Variants in MSRB2 observed in about 807,000 individuals in gnomAD.
MSRB2 encodes the protein methionine sulfoxide reductase B2.
MSRB2 carries 17 observed loss-of-function variants against 19.0 expected under a neutral mutation model. The ratio of observed to expected loss-of-function variants is 0.89; its 90% CI spans 0.61 to 1.34. The LOEUF is 1.34. Ranked by LOEUF, MSRB2 falls within the 40% of genes most tolerant of loss-of-function variation. The pLI is 0.00. For missense variants in MSRB2, 208 were observed against 237.6 expected, an observed-to-expected ratio of 0.88 and a Z score of 0.82; for synonymous variants, 107 against 99.7, an observed-to-expected ratio of 1.07 and a Z score of -0.44.
At chr10:23,104,375 C>T in intron 2 of MSRB2, 131 bp downstream of exon 2, 1 of 628,368 alleles carries the variant, frequency 1.6e-6, no homozygotes, top group Non-Finnish European at 2.7e-6. Context: ...TCCATTGTGC[C>T]CTTCTCGGGG....
chr10:23,111,508 T>C (rs1041290607), intron 3 of MSRB2, among the ~76,000 whole-genome samples: 1 of 152,214 alleles, frequency 6.6e-6, no homozygotes, highest in Admixed American at 6.5e-5. Flanking sequence ...AAGAGCATTC[T>C]CTTAAATCAC....
At chr10:23,113,308 C>T (rs1316096254) in intron 3 of MSRB2, among the ~76,000 whole-genome samples, 2 of 152,310 alleles carry the variant, frequency 1.3e-5, no homozygotes, top group Non-Finnish European at 2.9e-5. Context: ...ATCTGCTCAG[C>T]CCCACTAATA....
rs1052992421 is a variant in MSRB2, at chr10:23,121,771, C to T, written c.*909C>T. On this transcript the variant is annotated 3_prime_UTR_variant, in exon 5 of 5. Coordinates refer to ENST00000376510, the MANE Select transcript of MSRB2 (RefSeq NM_012228.4). Reference sequence around the variant, plus strand: ...ATCCAAGGAATCAACAATGCTAGCACTGAAGAGCAGGATTACGGAGGAGCT... The same window carrying T: ...ATCCAAGGAATCAACAATGCTAGCATTGAAGAGCAGGATTACGGAGGAGCT... 2.0e-5 allele frequency: 3 copies of T among 152,294 alleles called. No individual in the cohort carries two copies. In the East Asian group the frequency reaches 5.8e-4, roughly 29 times the overall value. The allele number at this position is 152,294 out of a possible 1,614,324, so 9.4% of individuals were successfully genotyped here.
At chr10:23,102,740 T>C (rs1165091831) in intron 1 of MSRB2, among the ~76,000 whole-genome samples, 1 of 152,160 alleles carries the variant, frequency 6.6e-6, no homozygotes, top group Non-Finnish European at 1.5e-5. Context: ...CACCCAGGGG[T>C]TTTAGAATCC....
In MSRB2 at chr10:23,104,258, G is replaced by A. The variant is rs1380185581; in HGVS notation, c.219+14G>A. ...GGAACGGAACCGGTAAGCTAAGCTG[G>A]TTTACAGTTTTCTGATTGCATGTGT... On this transcript the variant is annotated intron_variant, in intron 2 of 4. Coordinates refer to ENST00000376510, the MANE Select transcript of MSRB2 (RefSeq NM_012228.4). The A allele has an allele frequency of 6.2e-7, 1 of 1,608,924 alleles. No homozygotes were observed. Among genetic ancestry groups the A allele is most frequent in the East Asian group, 2.2e-5 (1 of 44,744 alleles).
chr10:23,106,408 G>A (rs1028279076), intron 2 of MSRB2, among the ~76,000 whole-genome samples: 2 of 152,200 alleles, frequency 1.3e-5, no homozygotes, highest in African/African-American at 4.8e-5. Context: ...CAGGATGGCT[G>A]AGCAATAACT....
chr10:23,108,017 A>T (rs367558786), intron 2 of MSRB2, among the ~76,000 whole-genome samples: 1 of 151,182 alleles, frequency 6.6e-6, no homozygotes, highest in Admixed American at 6.6e-5. Flanking sequence ...CTAGAGTGCA[A>T]TGGTGCAATC....
chr10:23,119,108 C>T lies in MSRB2; in HGVS notation c.297-196C>T, dbSNP rs566767385. 1.3e-4 allele frequency: 94 copies of T among 699,444 alleles called. No homozygotes were observed. In the Admixed American group the frequency reaches 1.5e-3, roughly 11 times the overall value. The allele number at this position is 699,444 out of a possible 1,614,324, so 43.3% of individuals were successfully genotyped here. A position where few individuals can be genotyped will look rare whatever the true frequency, so the allele number is the denominator to read the frequency against. On this transcript the variant is annotated intron_variant, in intron 3 of 4. Coordinates refer to ENST00000376510, the MANE Select transcript of MSRB2 (RefSeq NM_012228.4). ...AAAGGATCAAGAAGTCCTTCCACTT[C>T]GAGAGGCAATGGCTTCGATAGTGAA...
At chr10:23,097,265 T>A (rs973954412) in intron 1 of MSRB2, among the ~76,000 whole-genome samples, 1 of 152,168 alleles carries the variant, frequency 6.6e-6, no homozygotes, top group Non-Finnish European at 1.5e-5. Context: ...AGATGCAGAT[T>A]TTGAGTCTTG....
chr10:23,116,343 G>C (rs1033239439), intron 3 of MSRB2, among the ~76,000 whole-genome samples: 1 of 152,172 alleles, frequency 6.6e-6, no homozygotes, highest in Admixed American at 6.6e-5. Flanking sequence ...CACTTGGAAG[G>C]GGGAGCAGCT....
intron 3 of MSRB2, among the ~76,000 whole-genome samples, chr10:23,117,495 A>G (rs566121057): frequency 3.0e-4 from 46 of 152,326 alleles, no homozygotes; most frequent in Admixed American, 1.6e-3. Context: ...TGTTTGTTTC[A>G]TTTTGAAAAG....
chr10:23,103,674 CA>C (rs1291677812), intron 1 of MSRB2, among the ~76,000 whole-genome samples: 1 of 152,144 alleles, frequency 6.6e-6, no homozygotes, highest in Non-Finnish European at 1.5e-5. Flanking sequence ...CCTCCCTTGA[CA>C]AAGAAAATCA....
At chr10:23,106,702 G>A (rs1839991042) in intron 2 of MSRB2, among the ~76,000 whole-genome samples, 1 of 152,176 alleles carries the variant, frequency 6.6e-6, no homozygotes, top group South Asian at 2.1e-4. Context: ...CTCCCCTGCA[G>A]GTGCAGCCTC....
rs574404740 is a variant in MSRB2 at position 23,121,234 on chromosome 10, G to A, written c.*372G>A. 5 of 178,486 alleles carry A rather than the reference G, an allele frequency of 2.8e-5. No individual in the cohort carries two copies. The highest frequency in any genetic ancestry group is 1.4e-4 in the South Asian group (1 of 7,096). 11.1% of individuals were successfully genotyped at this position (178,486 alleles called of 1,614,324 possible). A position where few individuals can be genotyped will look rare whatever the true frequency, so the allele number is the denominator to read the frequency against. ...GAAAGCATGGTGCCAGCATTTGCTCGGATTCTGGGGAGACCTGAGGGAGCT... is the reference window on the plus strand; with the variant it reads ...GAAAGCATGGTGCCAGCATTTGCTCAGATTCTGGGGAGACCTGAGGGAGCT... On this transcript the variant is annotated 3_prime_UTR_variant, in exon 5 of 5. Transcript: ENST00000376510.
intron 3 of MSRB2, among the ~76,000 whole-genome samples, chr10:23,115,553 CT>C (rs1840101837): frequency 1.3e-5 from 2 of 152,200 alleles, no homozygotes; most frequent in South Asian, 4.1e-4. Flanking sequence ...ACCTGTAGAA[CT>C]TCCAGAAATC....
intron 3 of MSRB2, among the ~76,000 whole-genome samples, chr10:23,113,252 T>A (rs1588970716): frequency 6.6e-6 from 1 of 152,236 alleles, no homozygotes; most frequent in East Asian, 1.9e-4. Context: ...CCAGCTTGGC[T>A]GCTTCCTGCC....
chr10:23,116,998 C>T (rs1840119053), intron 3 of MSRB2, among the ~76,000 whole-genome samples: 1 of 152,146 alleles, frequency 6.6e-6, no homozygotes, highest in South Asian at 2.1e-4. Flanking sequence ...TGAGGTGTGT[C>T]TGACCTCCTG....
chr10:23,117,925 A>C (rs548789922), intron 3 of MSRB2, among the ~76,000 whole-genome samples: 1 of 152,250 alleles, frequency 6.6e-6, no homozygotes, highest in African/African-American at 2.4e-5. Context: ...CATGCTAGTC[A>C]AAGGAAATGC....
At chr10:23,115,104 G>A (rs963661205) in intron 3 of MSRB2, among the ~76,000 whole-genome samples, 5 of 152,026 alleles carry the variant, frequency 3.3e-5, no homozygotes, top group African/African-American at 9.7e-5. Context: ...GCACAGTTTT[G>A]GAGAGCTTCT....
Sources: gnomAD v4.1 joint callset for allele counts (sites outside exome capture counted in the v4.1 genomes callset) on GRCh38, gnomAD v4.1.1 for gene constraint, MANE v1.5 for transcripts, NCBI Gene and HGNC (gene_info 2026-07-23, HGNC 2026-07-21) for gene names.